Variants in DOCK1 observed in about 807,000 individuals in gnomAD.
DOCK1 encodes the protein dedicator of cytokinesis 1, also known as dedicator of cytokinesis protein 1.
A neutral mutation model predicts 262.7 loss-of-function variants in DOCK1; 138 were observed. That is an observed-to-expected ratio of 0.53 (90% CI 0.46 to 0.61). The LOEUF is 0.61. DOCK1 is among the 20% of genes least tolerant of loss of function. The pLI is 0.00. For missense variants in DOCK1, 1,908 were observed against 2,370.7 expected (o/e 0.80, Z 4.05); for synonymous variants, 866 against 867.4 (o/e 1.00, Z 0.03).
At chr10:127,280,104 G>A (rs1238671659) in intron 29 of DOCK1, among the ~76,000 whole-genome samples, 1 of 144,758 alleles carries the variant, frequency 6.9e-6, no homozygotes, top group South Asian at 2.2e-4. Flanking sequence ...GCGCGATCTC[G>A]GCTCACTGCA....
At chr10:127,334,939 C>T (rs899921765) in intron 29 of DOCK1, among the ~76,000 whole-genome samples, 2 of 152,114 alleles carry the variant, frequency 1.3e-5, no homozygotes, top group Admixed American at 6.5e-5. Flanking sequence ...TGAATCCCAC[C>T]GCAGAAAACC....
intron 27 of DOCK1, among the ~76,000 whole-genome samples, chr10:127,203,108 A>G (rs1163742569): frequency 1.3e-5 from 2 of 152,212 alleles, no homozygotes; most frequent in African/African-American, 2.4e-5. Context: ...CTTCCCCAAT[A>G]TAATTTCAGT....
intron 6 of DOCK1, among the ~76,000 whole-genome samples, chr10:126,994,093 A>G (rs941328657): frequency 1.1e-4 from 16 of 152,214 alleles, no homozygotes; most frequent in African/African-American, 3.4e-4. Flanking sequence ...ATATAATCCT[A>G]ACGGGTAAGA....
At chr10:127,362,743 CTT>C (rs1477563867) in intron 33 of DOCK1, among the ~76,000 whole-genome samples, 2 of 152,024 alleles carry the variant, frequency 1.3e-5, no homozygotes, top group African/African-American at 4.8e-5. Context: ...TGCTGCATAA[CTT>C]ATGCTCAAGA....
chr10:127,357,735 ACAGT>A (rs1366977641), intron 32 of DOCK1, among the ~76,000 whole-genome samples: 8 of 152,308 alleles, frequency 5.3e-5, no homozygotes, highest in African/African-American at 1.9e-4. Flanking sequence ...ACAAGAAGTA[ACAGT>A]CAGCCACCAG....
chr10:126,986,645 C>T (rs1448998580), intron 4 of DOCK1, among the ~76,000 whole-genome samples: 2 of 152,234 alleles, frequency 1.3e-5, no homozygotes, highest in Non-Finnish European at 2.9e-5. Context: ...CGCGGTGGCT[C>T]ATGCCTGTAA....
At chr10:127,069,428 G>GACCA (rs1250601856) in intron 23 of DOCK1, among the ~76,000 whole-genome samples, 1 of 152,206 alleles carries the variant, frequency 6.6e-6, no homozygotes, top group Non-Finnish European at 1.5e-5. Flanking sequence ...CACCGTCATA[G>GACCA]ACCAGCAAGC....
At chr10:127,396,959 C>T (rs184745057) in intron 38 of DOCK1, among the ~76,000 whole-genome samples, 28,871 of 107,834 alleles carry the variant, frequency 0.27, 997 homozygotes, top group Middle Eastern at 0.37. Flanking sequence ...ATGAGTTACA[C>T]GGGCAGCGTC....
chr10:127,050,720 A>G (rs997407076), intron 21 of DOCK1, among the ~76,000 whole-genome samples: 3 of 151,200 alleles, frequency 2.0e-5, no homozygotes, highest in Non-Finnish European at 2.9e-5. Context: ...AAAAAAAAAA[A>G]GTTTTATGCC....
chr10:127,036,381 T>A (rs1281514299), intron 18 of DOCK1, among the ~76,000 whole-genome samples: 1 of 152,248 alleles, frequency 6.6e-6, no homozygotes. Context: ...ATGCCTTTTG[T>A]ACAATTTGAT....
intron 11 of DOCK1, among the ~76,000 whole-genome samples, chr10:127,011,714 TGAGG>T (rs55874338): frequency 8.0e-6 from 1 of 124,650 alleles, no homozygotes; most frequent in Non-Finnish European, 1.7e-5. Context: ...TGTAGTCACT[TGAGG>T]GACTATTGTG....
At chr10:126,979,369 AGT>A (rs2038782024) in intron 3 of DOCK1, among the ~76,000 whole-genome samples, 2 of 152,148 alleles carry the variant, frequency 1.3e-5, no homozygotes, top group African/African-American at 4.8e-5. Context: ...CTAAAAAAAT[AGT>A]GTGTATCTGC....
intron 28 of DOCK1, among the ~76,000 whole-genome samples, chr10:127,250,059 C>A (rs984549946): frequency 6.6e-6 from 1 of 152,220 alleles, no homozygotes; most frequent in East Asian, 1.9e-4. Flanking sequence ...ACACCCGACC[C>A]CCTGCTTTGG....
intron 29 of DOCK1, among the ~76,000 whole-genome samples, chr10:127,323,978 T>C (rs2062648827): frequency 6.6e-6 from 1 of 152,134 alleles, no homozygotes; most frequent in Non-Finnish European, 1.5e-5. Flanking sequence ...GAGCAGGCAG[T>C]GGAGCAGGAT....
intron 27 of DOCK1, among the ~76,000 whole-genome samples, chr10:127,199,836 T>G (rs2057374038): frequency 6.6e-6 from 1 of 152,224 alleles, no homozygotes; most frequent in Non-Finnish European, 1.5e-5. Flanking sequence ...ATCATCACTG[T>G]GTCATTGCAA....
Position 127,176,166 on chromosome 10 carries a change from G to A in DOCK1, c.2847+48402G>A. 6.2e-7 allele frequency: 1 copy of A among 1,614,092 alleles called. No homozygotes were observed. The highest frequency in any genetic ancestry group is 8.5e-7 in the Non-Finnish European group (1 of 1,180,034). On this transcript the variant is annotated intron_variant, in intron 27 of 51. Coordinates refer to ENST00000623213, the MANE Select transcript of DOCK1 (RefSeq NM_001290223.2). The surrounding 1 kb of genome is among the most constrained non-coding windows in gnomAD (Gnocchi z 4.4). ...GCGGTAGGCTGCTCTGCAGGACACG[G>A]GCTTGGCCTCCCGCTTCTCCCCCAG...
chr10:127,066,535 G>A (rs931447687), intron 23 of DOCK1, among the ~76,000 whole-genome samples: 1 of 152,138 alleles, frequency 6.6e-6, no homozygotes, highest in African/African-American at 2.4e-5. Flanking sequence ...CATCCAGACA[G>A]CTTCATAGGC....
intron 27 of DOCK1, chr10:127,137,587 G>C (rs569109080): frequency 5.1e-6 from 2 of 393,238 alleles, no homozygotes; most frequent in African/African-American, 4.1e-5. Context: ...CTTTGACTAC[G>C]TAAGTTTCAT....
At chr10:127,090,325 G>A (rs928422061) in intron 23 of DOCK1, among the ~76,000 whole-genome samples, 11 of 152,090 alleles carry the variant, frequency 7.2e-5, no homozygotes, top group African/African-American at 2.4e-4. Context: ...GGTGTTTGTC[G>A]GTCGCCGCTG....
Sources: gnomAD v4.1 joint callset for allele counts (sites outside exome capture counted in the v4.1 genomes callset) on GRCh38, gnomAD v4.1.1 for gene constraint, Gnocchi (gnomAD v3.1) non-coding constraint, MANE v1.5 for transcripts, NCBI Gene and HGNC (gene_info 2026-07-23, HGNC 2026-07-21) for gene names.